The following CCDC57 variants were observed in gnomAD, a reference collection of about 807,000 sequenced individuals.
CCDC57 encodes the protein coiled-coil domain-containing protein 57.
Under a neutral mutation model 118.9 loss-of-function variants are expected in CCDC57, and 118 were observed. The observed-to-expected ratio is 0.99, with a 90% CI of 0.86 to 1.16. The LOEUF is 1.16. Ranked by LOEUF, CCDC57 falls within the 50% of genes most tolerant of loss-of-function variation. CCDC57 has a pLI of 0.00. For synonymous variants in CCDC57, 527 were observed against 532.9 expected (o/e 0.99, Z 0.15); for missense variants, 1,300 against 1,320.7 (o/e 0.98, Z 0.24).
At chr17:82,123,296 T>TCC (rs2036985041) in intron 19 of CCDC57, among the ~76,000 whole-genome samples, 2 of 78,730 alleles carry the variant, frequency 2.5e-5, no homozygotes, top group Admixed American at 1.1e-4. Flanking sequence ...CCCGGCCCTT[T>TCC]TTTTTTTTTT....
intron 14 of CCDC57, among the ~76,000 whole-genome samples, chr17:82,160,740 G>A (rs1334475592): frequency 6.6e-6 from 1 of 152,074 alleles, no homozygotes; most frequent in Admixed American, 6.6e-5. Context: ...CAGGCGTGGT[G>A]GCTCATGCCT....
At chr17:82,148,650 G>A (rs1598914405) in intron 16 of CCDC57, among the ~76,000 whole-genome samples, 1 of 3,040 alleles carries the variant, frequency 3.3e-4, no homozygotes, top group Non-Finnish European at 6.0e-4. Flanking sequence ...GTGGGTGGGT[G>A]AATAGATGAA....
chr17:82,192,613 T>C lies in CCDC57; in HGVS notation c.851+1143A>G, dbSNP rs915347824. ...CAAGCAGTCCTGCACCACTGCCATC[T>C]GCACTGTGTCTGTTTGGGCTCGACT... On this transcript the variant is annotated intron_variant, in intron 7 of 19. Coordinates refer to ENST00000665763, the Ensembl canonical transcript of CCDC57. This position sits in a 1 kb window ranked among gnomAD's most constrained non-coding sequence, Gnocchi z 4.0. Among the ~76,000 whole-genome samples the C allele has an allele frequency of 6.6e-6, 1 of 152,224 alleles. No individual in the cohort carries two copies. The highest frequency in any genetic ancestry group is 2.4e-5 in the African/African-American group (1 of 41,464).
intron 15 of CCDC57, chr17:82,156,466 G>A (rs7503040): frequency 0.017 from 2,565 of 152,340 alleles, 31 homozygotes; most frequent in Non-Finnish European, 0.027. Flanking sequence ...TCAGGTGGGT[G>A]GGAGATGTGT....
chr17:82,113,275 G>A, intron 19 of CCDC57: 1 of 647,236 alleles, frequency 1.5e-6, no homozygotes, highest in East Asian at 2.7e-5. Flanking sequence ...CTCCCTTCTT[G>A]GCCAGAGCAC....
intron 8 of CCDC57, 129 bp downstream of exon 7, chr17:82,188,090 A>C: frequency 3.2e-6 from 2 of 620,604 alleles, no homozygotes; most frequent in Non-Finnish European, 5.1e-6. Flanking sequence ...AAAGTGACTG[A>C]GAGCTACAGA....
At chr17:82,120,913 G>A (rs1031436320) in intron 19 of CCDC57, among the ~76,000 whole-genome samples, 4 of 151,988 alleles carry the variant, frequency 2.6e-5, no homozygotes, top group Non-Finnish European at 5.9e-5. Flanking sequence ...CCGCCACCAC[G>A]CCCGGCTAAT....
intron 5 of CCDC57, 136 bp downstream of exon 4, chr17:82,195,127 G>A (rs888649650): frequency 2.1e-5 from 15 of 697,788 alleles, no homozygotes; most frequent in Middle Eastern, 2.4e-4. Context: ...CCACCTGCTC[G>A]CTGGGCTTGA....
exon 10 of CCDC57, chr17:82,179,036 T>A: frequency 6.2e-7 from 1 of 1,613,704 alleles, no homozygotes; most frequent in Non-Finnish European, 8.5e-7. Context: ...CCTGACTTTT[T>A]GCCATGCTCA....
chr17:82,153,336 A>T (rs1052502503), intron 15 of CCDC57: 3 of 152,274 alleles, frequency 2.0e-5, no homozygotes, highest in African/African-American at 4.8e-5. Context: ...TGAAGAAAGA[A>T]CAATCCCGAA....
intron 14 of CCDC57, among the ~76,000 whole-genome samples, chr17:82,158,874 G>T (rs2042988598): frequency 1.5e-5 from 1 of 66,554 alleles, no homozygotes; most frequent in African/African-American, 5.7e-5. Flanking sequence ...TATTTTTAGA[G>T]ACAGGGTCTT....
intron 9 of CCDC57, 21 bp downstream of exon 8, chr17:82,183,753 C>T: frequency 1.2e-5 from 18 of 1,549,496 alleles, no homozygotes; most frequent in Non-Finnish European, 1.6e-5. Context: ...TCAATGGAAA[C>T]ATCTGCCTGG....
At chr17:82,206,658 C>A (rs533644523) in intron 2 of CCDC57, among the ~76,000 whole-genome samples, 2 of 152,260 alleles carry the variant, frequency 1.3e-5, no homozygotes, top group South Asian at 4.1e-4. Flanking sequence ...AACTGTTACA[C>A]GTATGTGTTT....
At chr17:82,199,477 C>CAAAAAAAAAAAAAAAAAAAAA (rs55713414) in intron 3 of CCDC57, among the ~76,000 whole-genome samples, 5 of 87,682 alleles carry the variant, frequency 5.7e-5, no homozygotes, top group Non-Finnish European at 4.3e-5. Context: ...GACTCTGTCT[C>CAAAAAAAAAAAAAAAAAAAAA]AAAAAAAAAA....
intron 13 of CCDC57, among the ~76,000 whole-genome samples, chr17:82,170,621 G>A (rs1020231003): frequency 1.3e-5 from 2 of 151,712 alleles, no homozygotes; most frequent in African/African-American, 2.4e-5. Context: ...AGAGGGTGCC[G>A]TCTGCAAGCC....
intron 9 of CCDC57, 91 bp downstream of exon 8, chr17:82,183,683 C>T: frequency 2.5e-6 from 3 of 1,218,626 alleles, no homozygotes; most frequent in South Asian, 3.1e-5. Flanking sequence ...AGGCCAGGGA[C>T]TCAATCTGTT....
At chr17:82,201,623 T>C (rs1406438354) in exon 3 of CCDC57, 1 of 1,613,758 alleles carries the variant, frequency 6.2e-7, no homozygotes. Flanking sequence ...CTGGCCTCTC[T>C]GGCTAGCGCC....
intron 13 of CCDC57, among the ~76,000 whole-genome samples, chr17:82,170,299 G>C (rs774104809): frequency 3.3e-5 from 5 of 152,142 alleles, no homozygotes; most frequent in Non-Finnish European, 7.4e-5. Flanking sequence ...CACGAGGTCA[G>C]GAGTTCGGGA....
At chr17:82,141,681 C>T (rs1159283326) in intron 16 of CCDC57, among the ~76,000 whole-genome samples, 2 of 152,106 alleles carry the variant, frequency 1.3e-5, no homozygotes, top group East Asian at 1.9e-4. Context: ...GTGGTTCATC[C>T]GCCTGATGAT....
Sources: allele counts gnomAD v4.1 joint callset (sites outside exome capture counted in the v4.1 genomes callset), GRCh38; gene constraint gnomAD v4.1.1; non-coding constraint Gnocchi (gnomAD v3.1); transcripts MANE v1.5; gene names NCBI Gene and HGNC (gene_info 2026-07-23, HGNC 2026-07-21).